The following SASS6 variants were observed in gnomAD, a reference collection of about 807,000 sequenced individuals.
SASS6 encodes the protein SAS-6 centriolar assembly protein.
SASS6 carries 59 observed loss-of-function variants against 94.9 expected under a neutral mutation model. The ratio of observed to expected loss-of-function variants is 0.62; its 90% confidence interval spans 0.50 to 0.77. The LOEUF (loss-of-function observed/expected upper bound fraction) is 0.77. Among genes scored for constraint, SASS6 ranks in the 30% least tolerant of loss-of-function variants. The pLI, the probability that SASS6 is intolerant of heterozygous loss-of-function variation, is 0.00. For missense variants in SASS6, 698 were observed against 734.1 expected, an observed-to-expected ratio of 0.95 and a Z score of 0.57; for synonymous variants, 264 against 270.0, an observed-to-expected ratio of 0.98 and a Z score of 0.22.
At chr1:100,125,854 A>G (rs745836372) in intron 2 of SASS6, 28 bp downstream of exon 2, 4 of 1,104,666 alleles carry the variant, frequency 3.6e-6, no homozygotes, top group Middle Eastern at 2.0e-4. Context: ...TACCGAAATG[A>G]TATTTCAAAA....
chr1:100,124,669 C>T (rs1309730916), intron 2 of SASS6, among the ~76,000 whole-genome samples: 1 of 152,244 alleles, frequency 6.6e-6, no homozygotes, highest in African/African-American at 2.4e-5. Flanking sequence ...GTGTGAGGCA[C>T]TGCCCTTGGC....
At position 100,110,295 on chromosome 1, in the gene SASS6, T is replaced by C. The variant is rs956441506; in HGVS notation, c.858A>G (p.Glu286=). The part of the protein sequence containing the change: ...RELKAKLSGV[E]EELQRTKQEV... ...GAAAAAAAACAACATTCAATACCTC[T>C]TCAACACCAGAAAGTTTTGCTTTAA... The change falls in exon 8 of 17, where the codon GAA becomes GAG. Residue 286 remains glutamate (E), a synonymous_variant. Transcript: ENST00000287482. 3.2e-6 allele frequency: 5 copies of C among 1,558,158 alleles called. No homozygotes were observed. Among genetic ancestry groups the C allele is most frequent in the South Asian group, 1.2e-5 (1 of 82,514 alleles).
At chr1:100,086,500 C>G (rs1299080780) in intron 15 of SASS6, among the ~76,000 whole-genome samples, 6 of 145,360 alleles carry the variant, frequency 4.1e-5, no homozygotes, top group Non-Finnish European at 9.0e-5. Flanking sequence ...ATTGCTCTGT[C>G]TATAATGATT....
At position 100,121,360 on chromosome 1, in the gene SASS6, C is replaced by A; in HGVS notation, c.483+18G>T. The stretch of plus-strand genomic sequence containing the variant: ...GATACTTATTTTGTTAAAAGAATAA[C>A]TTAAATTTAAATCTTACCTTGCTAC... On this transcript the variant is annotated intron_variant, in intron 5 of 16. Transcript: ENST00000287482. 6.9e-7 allele frequency: 1 copy of A among 1,456,140 alleles called. No individual in the cohort carries two copies. Among genetic ancestry groups the A allele is most frequent in the Non-Finnish European group, 9.3e-7 (1 of 1,070,806 alleles). The allele number at this position is 1,456,140 out of a possible 1,614,324, so 90.2% of individuals were successfully genotyped here. A position where few individuals can be genotyped will look rare whatever the true frequency, so the allele number is the denominator to read the frequency against.
intron 7 of SASS6, among the ~76,000 whole-genome samples, chr1:100,116,715 ATAT>A (rs1653823697): frequency 1.3e-5 from 2 of 152,246 alleles, no homozygotes; most frequent in East Asian, 1.9e-4. Context: ...AATTTCAGAA[ATAT>A]TATGCTGAGT....
Position 100,085,061 on chromosome 1 carries a change from G to T in SASS6, c.*267C>A. ...CTTTCCTTAGAACTGAATTTCTAAA[G>T]AATAGCTTAATAAAATTCATATTAT... is the stretch of plus-strand genomic sequence containing the variant. On this transcript the variant is annotated 3_prime_UTR_variant, in exon 17 of 17. Coordinates refer to ENST00000287482, the MANE Select transcript of SASS6 (RefSeq NM_194292.3). 2.8e-6 allele frequency: 1 copy of T among 353,258 alleles called. No individual in the cohort carries two copies. The highest frequency in any genetic ancestry group is 5.2e-6 in the Non-Finnish European group (1 of 192,698). The allele number at this position is 353,258 out of a possible 1,614,324, so 21.9% of individuals were successfully genotyped here.
At chr1:100,130,510 G>A (rs542847843) in intron 1 of SASS6, among the ~76,000 whole-genome samples, 59 of 152,106 alleles carry the variant, frequency 3.9e-4, no homozygotes, top group Non-Finnish European at 6.8e-4. Context: ...GGGAGACCCC[G>A]TCTCTTTTAA....
At chr1:100,109,538 CAT>C (rs978602535) in intron 8 of SASS6, among the ~76,000 whole-genome samples, 2 of 152,020 alleles carry the variant, frequency 1.3e-5, no homozygotes, top group African/African-American at 4.8e-5. Context: ...CACCATGGCA[CAT>C]GTTTACCTAT....
intron 14 of SASS6, among the ~76,000 whole-genome samples, chr1:100,088,835 T>TAA (rs72345602): frequency 2.4e-5 from 2 of 83,914 alleles, no homozygotes; most frequent in Admixed American, 1.2e-4. Flanking sequence ...ACCCTGTCTA[T>TAA]AAAAAAAAAA....
At position 100,121,500 on chromosome 1, in the gene SASS6, C is replaced by T; in HGVS notation, c.361G>A (p.Ala121Thr). Reference protein sequence around the residue: ...SPAAILDNSPAFLNVVETNPF... With the variant: ...SPAAILDNSPTFLNVVETNPF... ...TTTGTCTCTACCACATTTAAAAATG[C>T]AGGTGAGTTATCCAAAATAGCTGCT... Residue 121 changes from alanine to threonine, a missense_variant, in exon 5 of 17, where the codon GCA (alanine) becomes ACA (threonine). Physicochemically the swap from Ala to Thr is moderately conservative, Grantham distance 58. Coordinates refer to ENST00000287482, the MANE Select transcript of SASS6 (RefSeq NM_194292.3). The T allele has an allele frequency of 6.3e-7, 1 of 1,598,596 alleles. No homozygotes were observed. The highest frequency in any genetic ancestry group is 8.5e-7 in the Non-Finnish European group (1 of 1,170,504).
At chr1:100,119,205 T>G in intron 6 of SASS6, 68 bp from the exon 7 acceptor site, 1 of 841,414 alleles carries the variant, frequency 1.2e-6, no homozygotes, top group East Asian at 3.0e-5. Flanking sequence ...GATTAGAATA[T>G]AGCAATATTT....
Position 100,084,410 on chromosome 1 carries a change from C to T in SASS6, c.*918G>A, listed in dbSNP as rs901887767. ...AAAAATTTTTCCCCAAGGAACAATTCTTAAAACTTTCAGTTACAGGGAAGA... is the reference window on the plus strand; with the variant it reads ...AAAAATTTTTCCCCAAGGAACAATTTTTAAAACTTTCAGTTACAGGGAAGA... On this transcript the variant is annotated 3_prime_UTR_variant, in exon 17 of 17. Coordinates refer to ENST00000287482, the MANE Select transcript of SASS6 (RefSeq NM_194292.3). The T allele has an allele frequency of 2.0e-5, 3 of 152,006 alleles. No individual in the cohort carries two copies. The highest frequency in any genetic ancestry group is 7.2e-5 in the African/African-American group (3 of 41,420). 9.4% of individuals were successfully genotyped at this position (152,006 alleles called of 1,614,324 possible).
chr1:100,122,112 T>C (rs1362458439), intron 4 of SASS6, among the ~76,000 whole-genome samples: 2 of 152,248 alleles, frequency 1.3e-5, no homozygotes, highest in Non-Finnish European at 2.9e-5. Flanking sequence ...TCTTCCCTTT[T>C]TCCAATATCA....
chr1:100,120,414 G>T lies in SASS6; in HGVS notation c.529C>A (p.Gln177Lys). 1 of 1,531,274 alleles carries T rather than the reference G, an allele frequency of 6.5e-7. No individual in the cohort carries two copies. The highest frequency in any genetic ancestry group is 9.0e-7 in the Non-Finnish European group (1 of 1,106,096). The allele number at this position is 1,531,274 out of a possible 1,614,324, so 94.9% of individuals were successfully genotyped here. A position where few individuals can be genotyped will look rare whatever the true frequency, so the allele number is the denominator to read the frequency against. The change falls in exon 6 of 17, where the codon CAA becomes AAA. Residue 177 changes from glutamine (Q) to lysine (K), a missense_variant. Gln to Lys is a moderately conservative substitution (Grantham distance 53). Coordinates refer to ENST00000287482, the MANE Select transcript of SASS6 (RefSeq NM_194292.3). ...ATTACCTTTCGTGTAAAGTCCAGTTGCTTAGTAGCATCATCTAGTGATTGC... is the reference window on the plus strand; with the variant it reads ...ATTACCTTTCGTGTAAAGTCCAGTTTCTTAGTAGCATCATCTAGTGATTGC... Reference protein sequence around the residue: ...LMQSLDDATKQLDFTRKTLAE... With the variant: ...LMQSLDDATKKLDFTRKTLAE...
At chr1:100,122,540 TTTTGG>T (rs1387992562) in intron 3 of SASS6, 56 bp from the exon 4 acceptor site, 40 of 591,218 alleles carry the variant, frequency 6.8e-5, no homozygotes, top group African/African-American at 1.9e-4. Context: ...CTTTGTTTTG[TTTTGG>T]TGCCTTTTTT....
Position 100,110,394 on chromosome 1 carries a change from T to G in SASS6, c.759A>C (p.Arg253Ser), listed in dbSNP as rs1265273219. Residue 253 changes from arginine (R) to serine (S), a missense_variant, in exon 8 of 17, where the codon AGA becomes AGC. Coordinates refer to ENST00000287482, the MANE Select transcript of SASS6 (RefSeq NM_194292.3). ...TATTAGCCGCTTCTAACTCAGACAG[T>G]CTGTTTTGTAGCTGGTGGATGTTTT... is the stretch of plus-strand genomic sequence containing the variant. ...HQQNIHQLQN[R>S]LSELEAANKD... 17 of 1,609,444 alleles carry G rather than the reference T, an allele frequency of 1.1e-5. No homozygotes were observed. In the East Asian group the frequency reaches 3.6e-4, roughly 34 times the overall value.
At chr1:100,098,260 CA>C (rs558745212) in intron 14 of SASS6, among the ~76,000 whole-genome samples, 3 of 149,738 alleles carry the variant, frequency 2.0e-5, no homozygotes, top group African/African-American at 7.4e-5. Flanking sequence ...ACCTCCCAAA[CA>C]AAAAAAAACG....
chr1:100,121,549 C>A lies in SASS6; in HGVS notation c.312G>T (p.Arg104Ser). Residue 104 changes from arginine to serine, a missense_variant and splice_region_variant, in exon 5 of 17, where the codon AGG (arginine) becomes AGT (serine). Coordinates refer to ENST00000287482, the MANE Select transcript of SASS6 (RefSeq NM_194292.3). ...CTQEHAKEIP[R>S]FLLQLVSPAA... is the part of the protein sequence containing the mutation. ...CTGGAGAAACTAACTGTAGCAAAAA[C>A]CTTTGAAAAGAAAATGTTACATTAT... The A allele has an allele frequency of 1.9e-6, 3 of 1,555,188 alleles. No homozygotes were observed. Among genetic ancestry groups the A allele is most frequent in the Non-Finnish European group, 2.6e-6 (3 of 1,138,050 alleles).
chr1:100,085,466 A>G, intron 16 of SASS6, 32 bp from the exon 17 acceptor site: 1 of 1,561,160 alleles, frequency 6.4e-7, no homozygotes, highest in East Asian at 2.2e-5. Context: ...GGTTACTGGT[A>G]TTCATTAAGT....
Sources: allele counts gnomAD v4.1 joint callset (sites outside exome capture counted in the v4.1 genomes callset), GRCh38; gene constraint gnomAD v4.1.1; transcripts MANE v1.5; gene names NCBI Gene and HGNC (gene_info 2026-07-23, HGNC 2026-07-21).